PIK3C2G: variants seen among roughly 807,000 people sequenced by gnomAD.
The protein encoded by PIK3C2G is phosphatidylinositol-4-phosphate 3-kinase catalytic subunit type 2 gamma, also known as phosphatidylinositol 3-kinase C2 domain-containing subunit gamma.
PIK3C2G carries 168 observed loss-of-function variants against 181.1 expected under a neutral mutation model. The ratio of observed to expected loss-of-function variants is 0.93; its 90% CI spans 0.82 to 1.05. The LOEUF (loss-of-function observed/expected upper bound fraction) is 1.05. PIK3C2G is among the 50% of genes least tolerant of loss of function. The pLI, the probability that PIK3C2G is intolerant of heterozygous loss-of-function variation, is 0.00. For missense variants in PIK3C2G, 1,869 were observed against 1,732.8 expected (o/e 1.08, Z -1.40); for synonymous variants, 573 against 592.2 (o/e 0.97, Z 0.47).
chr12:18,414,759 C>G lies in PIK3C2G; in HGVS notation c.2316-6182C>G, dbSNP rs1033463740. The stretch of plus-strand genomic sequence containing the variant: ...TTTAATACATGTTGACCTATATTGC[C>G]AACAAGTATGAAAGAGCCCATGTTG... On this transcript the variant is annotated intron_variant, in intron 16 of 32. Coordinates refer to ENST00000538779, the MANE Select transcript of PIK3C2G (RefSeq NM_001288772.2). Among the ~76,000 whole-genome samples, 5 of 152,116 alleles carry G rather than the reference C, an allele frequency of 3.3e-5. No homozygotes were observed. In the South Asian group the frequency reaches 1.0e-3, roughly 32 times the overall value.
chr12:18,490,902 A>C (rs1474231230), intron 19 of PIK3C2G, among the ~76,000 whole-genome samples: 2 of 152,214 alleles, frequency 1.3e-5, no homozygotes, highest in Non-Finnish European at 2.9e-5. Flanking sequence ...AGTAAATAAC[A>C]GAAATATACT....
intron 18 of PIK3C2G, among the ~76,000 whole-genome samples, chr12:18,483,244 TG>T (rs1221440426): frequency 6.6e-6 from 1 of 152,170 alleles, no homozygotes; most frequent in Non-Finnish European, 1.5e-5. Context: ...TCAGACCCTT[TG>T]TTTAGCCCTG....
At chr12:18,677,798 T>C in the PIK3C2G span, among the ~76,000 whole-genome samples, 21 of 152,232 alleles carry the variant, frequency 1.4e-4, no homozygotes, top group African/African-American at 4.8e-4. Context: ...AACATGTAGA[T>C]AGATCTAAAA....
At chr12:18,374,228 T>C (rs563187086) in intron 13 of PIK3C2G, among the ~76,000 whole-genome samples, 87 of 152,244 alleles carry the variant, frequency 5.7e-4, no homozygotes, top group Non-Finnish European at 9.6e-4. Flanking sequence ...GCTCCCAAGG[T>C]GAGTTTAAAA....
intron 30 of PIK3C2G, among the ~76,000 whole-genome samples, chr12:18,604,040 C>T (rs965267625): frequency 6.6e-6 from 1 of 152,148 alleles, no homozygotes; most frequent in Non-Finnish European, 1.5e-5. Flanking sequence ...AATGGTACCT[C>T]ACATTTCAAT....
chr12:18,410,739 A>T (rs1191740527), intron 16 of PIK3C2G, among the ~76,000 whole-genome samples: 2 of 152,122 alleles, frequency 1.3e-5, no homozygotes, highest in Admixed American at 1.3e-4. Context: ...GTTTAAACTC[A>T]AAATTTCTAT....
the PIK3C2G span, chr12:18,693,046 A>C: frequency 6.8e-7 from 1 of 1,469,228 alleles, no homozygotes; most frequent in East Asian, 2.3e-5. Context: ...CCATTAGAAG[A>C]AAAGCAAGAA....
At chr12:18,605,135 CA>C (rs1485172551) in intron 30 of PIK3C2G, among the ~76,000 whole-genome samples, 2 of 152,132 alleles carry the variant, frequency 1.3e-5, no homozygotes. Flanking sequence ...ATTGATAGAC[CA>C]TTAGCAAGAT....
At chr12:18,716,207 G>C in the PIK3C2G span, among the ~76,000 whole-genome samples, 1 of 151,870 alleles carries the variant, frequency 6.6e-6, no homozygotes, top group Non-Finnish European at 1.5e-5. Context: ...GAGTTCTCTG[G>C]AGTGCTGCCA....
At chr12:18,475,256 A>G (rs1483306963) in intron 18 of PIK3C2G, among the ~76,000 whole-genome samples, 1 of 151,712 alleles carries the variant, frequency 6.6e-6, no homozygotes, top group African/African-American at 2.4e-5. Flanking sequence ...TTGCACCAAC[A>G]TTGTTAGTAG....
chr12:18,371,043 A>G lies in PIK3C2G; in HGVS notation c.1749-137A>G, dbSNP rs531921188. On this transcript the variant is annotated intron_variant, in intron 12 of 32. Coordinates refer to ENST00000538779, the MANE Select transcript of PIK3C2G (RefSeq NM_001288772.2). ...GTTAAATTTTCATTTTTACAAGATTAAACAAAAAATTTCAAGAGGCAGCCT... is the reference window on the plus strand; with the variant it reads ...GTTAAATTTTCATTTTTACAAGATTGAACAAAAAATTTCAAGAGGCAGCCT... 1.3e-4 allele frequency: 77 copies of G among 608,540 alleles called. No individual in the cohort carries two copies. In the South Asian group the frequency reaches 2.6e-3, roughly 21 times the overall value. The allele number at this position is 608,540 out of a possible 1,614,324, so 37.7% of individuals were successfully genotyped here. A position where few individuals can be genotyped will look rare whatever the true frequency, so the allele number is the denominator to read the frequency against.
At chr12:18,444,873 T>C (rs11044122) in intron 18 of PIK3C2G, among the ~76,000 whole-genome samples, 38,013 of 152,086 alleles carry the variant, frequency 0.25, 5,118 homozygotes, top group Admixed American at 0.36. Flanking sequence ...TGTATAATTT[T>C]AGTACAATTA....
At chr12:18,564,292 A>T (rs969124253) in intron 28 of PIK3C2G, among the ~76,000 whole-genome samples, 8 of 151,970 alleles carry the variant, frequency 5.3e-5, no homozygotes, top group African/African-American at 1.9e-4. Flanking sequence ...TCTTGATTTT[A>T]AAAATGTGAG....
intron 24 of PIK3C2G, among the ~76,000 whole-genome samples, chr12:18,531,071 T>G (rs2136216572): frequency 6.6e-6 from 1 of 152,274 alleles, no homozygotes; most frequent in Non-Finnish European, 1.5e-5. Flanking sequence ...TTCACATGCC[T>G]TATGTAATGT....
intron 8 of PIK3C2G, among the ~76,000 whole-genome samples, chr12:18,330,429 T>A (rs879386760): frequency 6.6e-6 from 1 of 152,174 alleles, no homozygotes; most frequent in Non-Finnish European, 1.5e-5. Context: ...AGAGTTCTTG[T>A]GGTTCTGCAT....
intron 29 of PIK3C2G, among the ~76,000 whole-genome samples, chr12:18,577,847 G>C (rs997863859): frequency 6.6e-6 from 1 of 152,142 alleles, no homozygotes; most frequent in African/African-American, 2.4e-5. Context: ...AAATAAAGTA[G>C]TGCTATGTTG....
Position 18,282,533 on chromosome 12 carries a change from TGGATA to T in PIK3C2G, c.453_457del (p.Asp152AsnfsTer2), listed in dbSNP as rs1225507457. 2 of 1,611,328 alleles carry T rather than the reference TGGATA, an allele frequency of 1.2e-6. No individual in the cohort carries two copies. Among genetic ancestry groups the T allele is most frequent in the African/African-American group, 2.7e-5 (2 of 74,838 alleles). On this transcript the variant is annotated frameshift_variant, in exon 2 of 33. Coordinates refer to ENST00000538779, the MANE Select transcript of PIK3C2G (RefSeq NM_001288772.2). LOFTEE classifies it high-confidence loss of function. ...ATTTTAGCTCCATCATTCACAAGTT[TGGATA>T]AAATTAATCTAGAGAAAGAATTAGA...
intron 24 of PIK3C2G, among the ~76,000 whole-genome samples, chr12:18,508,137 T>A (rs574241890): frequency 1.3e-5 from 2 of 152,328 alleles, no homozygotes; most frequent in South Asian, 4.1e-4. Flanking sequence ...GAATATTAGT[T>A]ATTAACCACC....
chr12:18,498,580 T>A (rs76318793), intron 22 of PIK3C2G, among the ~76,000 whole-genome samples: 5 of 151,664 alleles, frequency 3.3e-5, no homozygotes, highest in Admixed American at 6.6e-5. Context: ...TTTTTTTTTT[T>A]AATTCAAGCA....
Sources: gnomAD v4.1 joint callset for allele counts (sites outside exome capture counted in the v4.1 genomes callset) on GRCh38, gnomAD v4.1.1 for gene constraint, MANE v1.5 for transcripts, NCBI Gene and HGNC (gene_info 2026-07-23, HGNC 2026-07-21) for gene names.